Variants in NWD1 observed in about 807,000 individuals in gnomAD.
NWD1 encodes the protein NACHT and WD repeat domain containing 1.
Under a neutral mutation model 135.1 loss-of-function variants are expected in NWD1, and 129 were observed. The observed-to-expected ratio is 0.96, with a 90% confidence interval of 0.83 to 1.11. The LOEUF (loss-of-function observed/expected upper bound fraction) is 1.11. Ranked by LOEUF, NWD1 falls within the 50% of genes least tolerant of loss-of-function variation. The pLI, the probability that NWD1 is intolerant of heterozygous loss-of-function variation, is 0.00. For synonymous variants in NWD1, 773 were observed against 786.0 expected, an observed-to-expected ratio of 0.98 and a Z score of 0.28; for missense variants, 1,740 against 1,851.3, an observed-to-expected ratio of 0.94 and a Z score of 1.10.
At chr19:16,736,785 T>G (rs1568338383) in intron 4 of NWD1, 35 bp downstream of exon 4, 1 of 1,217,324 alleles carries the variant, frequency 8.2e-7, no homozygotes, top group South Asian at 1.3e-5. Flanking sequence ...TAGCTCTTAC[T>G]CCTCCAGGAT....
At chr19:16,778,333 G>A (rs968258373) in intron 11 of NWD1, among the ~76,000 whole-genome samples, 11 of 152,220 alleles carry the variant, frequency 7.2e-5, no homozygotes, top group East Asian at 1.9e-4. Context: ...TCCTTGGGGT[G>A]TGTTTGCCCA....
intron 3 of NWD1, among the ~76,000 whole-genome samples, chr19:16,733,984 G>T (rs975673115): frequency 4.6e-5 from 7 of 151,972 alleles, no homozygotes; most frequent in Non-Finnish European, 1.0e-4. Flanking sequence ...ATTCAGGGAG[G>T]CAGGGACTGT....
At chr19:16,785,283 G>A (rs1231014214) in intron 12 of NWD1, among the ~76,000 whole-genome samples, 3 of 152,054 alleles carry the variant, frequency 2.0e-5, no homozygotes, top group African/African-American at 4.8e-5. Context: ...AGGTTGAGGC[G>A]GGCACATCAT....
chr19:16,754,653 A>T (rs964860182), intron 6 of NWD1, among the ~76,000 whole-genome samples: 4 of 142,306 alleles, frequency 2.8e-5, no homozygotes, highest in African/African-American at 1.1e-4. Flanking sequence ...CATCCACTCT[A>T]TTCTTCCTTG....
At chr19:16,788,920 A>G (rs2547108) in intron 12 of NWD1, 62 bp from the exon 13 acceptor site, 125,606 of 1,110,524 alleles carry the variant, frequency 0.11, 16,526 homozygotes, top group African/African-American at 0.61. Flanking sequence ...CAAGCATTTT[A>G]ATAGTTGCAA....
intron 18 of NWD1, among the ~76,000 whole-genome samples, chr19:16,814,494 C>T (rs1472877934): frequency 6.6e-6 from 1 of 152,138 alleles, no homozygotes; most frequent in Non-Finnish European, 1.5e-5. Flanking sequence ...AGGAGACTTG[C>T]CCAAGGTCAC....
At chr19:16,766,692 C>A (rs911862501) in intron 10 of NWD1, among the ~76,000 whole-genome samples, 1 of 152,034 alleles carries the variant, frequency 6.6e-6, no homozygotes, top group Admixed American at 6.6e-5. Context: ...CTCAAGAGAT[C>A]CTCCTACCTC....
chr19:16,746,763 G>A (rs1249563157), intron 5 of NWD1, among the ~76,000 whole-genome samples: 4 of 151,592 alleles, frequency 2.6e-5, no homozygotes, highest in African/African-American at 9.7e-5. Flanking sequence ...TTACAATCAA[G>A]TAAGCTAGAG....
Position 16,749,608 on chromosome 19 carries a change from T to C in NWD1, c.966T>C (p.Leu322=). The part of the protein sequence containing the change: ...FCGRQELLAR[L]GQQLRHDDSK... Reference sequence around the variant, plus strand: ...GACGCCAGGAACTCCTGGCCCGGCTTGGGCAGCAGCTCAGGCACGATGACA... The same window carrying C: ...GACGCCAGGAACTCCTGGCCCGGCTCGGGCAGCAGCTCAGGCACGATGACA... Residue 322 remains leucine, a synonymous_variant, in exon 6 of 19, where the codon CTT becomes CTC. Transcript: ENST00000524140. 1.9e-6 allele frequency: 3 copies of C among 1,612,680 alleles called. No homozygotes were observed. Among genetic ancestry groups the C allele is most frequent in the Non-Finnish European group, 2.5e-6 (3 of 1,178,990 alleles).
At chr19:16,738,655 A>C (rs1044160101) in intron 4 of NWD1, among the ~76,000 whole-genome samples, 4 of 147,954 alleles carry the variant, frequency 2.7e-5, no homozygotes, top group Admixed American at 6.9e-5. Context: ...GTGTCCCAAC[A>C]TTATAACGAA....
At position 16,807,930 on chromosome 19, in the gene NWD1, C is replaced by T. The variant is rs375906944; in HGVS notation, c.4081C>T (p.Arg1361Cys). Residue 1361 changes from arginine to cysteine, a missense_variant, in exon 18 of 19, where the codon CGC (arginine) becomes TGC (cysteine). Arg to Cys is a radical substitution (Grantham distance 180). Coordinates refer to ENST00000524140, the MANE Select transcript of NWD1 (RefSeq NM_001007525.5). The stretch of plus-strand genomic sequence containing the variant: ...CAGCGTGGCCATTCTGACGGACTAC[C>T]GCGTGGTCTACAGCATGACCAATGG... The part of the protein sequence containing the change: ...LSSVAILTDY[R>C]VVYSMTNGDL... The T allele has an allele frequency of 2.2e-5, 36 of 1,614,032 alleles. No individual in the cohort carries two copies. The highest frequency in any genetic ancestry group is 6.7e-5 in the East Asian group (3 of 44,896).
chr19:16,786,808 T>C (rs2123031388), intron 12 of NWD1, among the ~76,000 whole-genome samples: 1 of 152,074 alleles, frequency 6.6e-6, no homozygotes, highest in South Asian at 2.1e-4. Context: ...CGCCTCAGCC[T>C]CCCAACGTGC....
At chr19:16,751,368 A>G (rs1968571117) in intron 6 of NWD1, among the ~76,000 whole-genome samples, 1 of 151,896 alleles carries the variant, frequency 6.6e-6, no homozygotes, top group Non-Finnish European at 1.5e-5. Flanking sequence ...AAAGAAAGAG[A>G]GAGAGAAAGA....
At chr19:16,743,857 A>G (rs1968190106) in intron 4 of NWD1, among the ~76,000 whole-genome samples, 1 of 151,596 alleles carries the variant, frequency 6.6e-6, no homozygotes, top group African/African-American at 2.4e-5. Flanking sequence ...TAATTTTTAT[A>G]TTTTTAGTAG....
At chr19:16,767,643 G>A (rs879733083) in intron 10 of NWD1, among the ~76,000 whole-genome samples, 5 of 152,012 alleles carry the variant, frequency 3.3e-5, no homozygotes, top group Non-Finnish European at 7.4e-5. Flanking sequence ...ATCAGATCTC[G>A]TGAAAACTCA....
chr19:16,729,204 C>T (rs1355406007), intron 2 of NWD1, among the ~76,000 whole-genome samples: 1 of 152,052 alleles, frequency 6.6e-6, no homozygotes, highest in East Asian at 1.9e-4. Flanking sequence ...GACCAATGTA[C>T]TGTGTGTCAG....
intron 18 of NWD1, chr19:16,812,706 C>A: frequency 3.8e-6 from 3 of 779,538 alleles, no homozygotes; most frequent in Non-Finnish European, 4.8e-6. Context: ...AAACAAAAAA[C>A]CCAAGAAAAA....
At chr19:16,805,314 C>T (rs550507236) in intron 17 of NWD1, among the ~76,000 whole-genome samples, 1 of 152,162 alleles carries the variant, frequency 6.6e-6, no homozygotes, top group South Asian at 2.1e-4. Flanking sequence ...CTGCCTCGGC[C>T]TCCCAAAGTG....
intron 12 of NWD1, among the ~76,000 whole-genome samples, chr19:16,783,288 G>A (rs1399951601): frequency 6.6e-6 from 1 of 151,956 alleles, no homozygotes; most frequent in Non-Finnish European, 1.5e-5. Flanking sequence ...TCCCACCTCA[G>A]CCTCCTGAAG....
Sources: allele counts gnomAD v4.1 joint callset (sites outside exome capture counted in the v4.1 genomes callset), GRCh38; gene constraint gnomAD v4.1.1; transcripts MANE v1.5; gene names NCBI Gene and HGNC (gene_info 2026-07-23, HGNC 2026-07-21).